Variants in ARHGAP15 observed in about 807,000 individuals in gnomAD.
ARHGAP15 encodes rho GTPase-activating protein 15.
In ARHGAP15, 51 loss-of-function variants were observed where a neutral mutation model predicts 63.7. That is an observed-to-expected ratio of 0.80 (90% CI 0.64 to 1.01). ARHGAP15 has a LOEUF of 1.01. Ranked by LOEUF, ARHGAP15 falls within the 50% of genes least tolerant of loss-of-function variation. The pLI is 0.00. For synonymous variants in ARHGAP15, 191 were observed against 193.8 expected, an observed-to-expected ratio of 0.99 and a Z score of 0.12; for missense variants, 560 against 564.6, an observed-to-expected ratio of 0.99 and a Z score of 0.08.
At chr2:143,411,874 T>C (rs948412244) in intron 6 of ARHGAP15, among the ~76,000 whole-genome samples, 1 of 152,130 alleles carries the variant, frequency 6.6e-6, no homozygotes, top group African/African-American at 2.4e-5. Flanking sequence ...CCAGAGGCAG[T>C]GATATTGAAG....
intron 1 of ARHGAP15, among the ~76,000 whole-genome samples, chr2:143,145,714 A>G (rs941586094): frequency 6.6e-6 from 1 of 151,872 alleles, no homozygotes; most frequent in African/African-American, 2.4e-5. Flanking sequence ...CATCTTTCAA[A>G]CTGAACCTTT....
intron 8 of ARHGAP15, among the ~76,000 whole-genome samples, chr2:143,470,550 C>G (rs1347480018): frequency 6.7e-6 from 1 of 149,222 alleles, no homozygotes; most frequent in Non-Finnish European, 1.5e-5. Flanking sequence ...ATATTTCATT[C>G]TGGGAAATAG....
intron 12 of ARHGAP15, among the ~76,000 whole-genome samples, chr2:143,630,938 CAA>C (rs1281055085): frequency 6.6e-6 from 1 of 151,962 alleles, no homozygotes; most frequent in Non-Finnish European, 1.5e-5. Context: ...CTGTTATTCC[CAA>C]AAGTTTCCTC....
At chr2:143,410,157 T>C (rs1460859015) in intron 6 of ARHGAP15, among the ~76,000 whole-genome samples, 1 of 152,132 alleles carries the variant, frequency 6.6e-6, no homozygotes, top group Non-Finnish European at 1.5e-5. Context: ...TAATTAAATT[T>C]TATTATACCA....
intron 12 of ARHGAP15, among the ~76,000 whole-genome samples, chr2:143,667,713 G>A (rs192163112): frequency 4.7e-4 from 71 of 152,064 alleles, no homozygotes; most frequent in African/African-American, 1.7e-3. Flanking sequence ...TACACTGATG[G>A]CAGGGCACGG....
At chr2:143,553,463 T>G (rs1695659980) in intron 10 of ARHGAP15, among the ~76,000 whole-genome samples, 1 of 152,182 alleles carries the variant, frequency 6.6e-6, no homozygotes, top group Non-Finnish European at 1.5e-5. Context: ...TACTCCCTTT[T>G]ACTTTCTGGT....
intron 6 of ARHGAP15, among the ~76,000 whole-genome samples, chr2:143,319,125 G>C (rs1181824825): frequency 6.6e-6 from 1 of 151,596 alleles, no homozygotes; most frequent in Admixed American, 6.6e-5. Flanking sequence ...TACTTGCCAG[G>C]ATATATATTT....
chr2:143,583,302 G>A (rs966666886), intron 11 of ARHGAP15, among the ~76,000 whole-genome samples: 1 of 152,110 alleles, frequency 6.6e-6, no homozygotes, highest in Non-Finnish European at 1.5e-5. Context: ...AATAAAAGCT[G>A]ACTCCATATG....
intron 12 of ARHGAP15, among the ~76,000 whole-genome samples, chr2:143,671,175 G>A (rs912687613): frequency 1.1e-4 from 17 of 152,124 alleles, no homozygotes; most frequent in East Asian, 7.7e-4. Context: ...CACAGCTTTC[G>A]GTTTTCTTTT....
At chr2:143,285,895 A>G (rs1682071993) in intron 6 of ARHGAP15, among the ~76,000 whole-genome samples, 1 of 152,218 alleles carries the variant, frequency 6.6e-6, no homozygotes, top group African/African-American at 2.4e-5. Flanking sequence ...TCAAACCATT[A>G]TATACCATTT....
chr2:143,141,514 T>C (rs993142641), intron 1 of ARHGAP15, among the ~76,000 whole-genome samples: 3 of 152,006 alleles, frequency 2.0e-5, no homozygotes, highest in Admixed American at 1.3e-4. Context: ...GATATAATTA[T>C]CTGCCAAAAT....
At chr2:143,187,898 TA>T (rs1691511153) in intron 2 of ARHGAP15, among the ~76,000 whole-genome samples, 1 of 152,212 alleles carries the variant, frequency 6.6e-6, no homozygotes, top group African/African-American at 2.4e-5. Context: ...CATTACATTG[TA>T]ATCAATATTT....
intron 11 of ARHGAP15, among the ~76,000 whole-genome samples, chr2:143,581,486 A>G (rs1696901947): frequency 6.6e-6 from 1 of 152,106 alleles, no homozygotes; most frequent in Admixed American, 6.6e-5. Flanking sequence ...TAAATTTCCC[A>G]GGGAGAGGCA....
At chr2:143,417,530 A>G (rs1316106310) in intron 6 of ARHGAP15, among the ~76,000 whole-genome samples, 1 of 152,136 alleles carries the variant, frequency 6.6e-6, no homozygotes, top group Non-Finnish European at 1.5e-5. Flanking sequence ...GTTTTCATGG[A>G]TTGCATTTAA....
intron 5 of ARHGAP15, chr2:143,237,355 T>C (rs1223379248): frequency 6.6e-6 from 1 of 152,198 alleles, no homozygotes; most frequent in African/African-American, 2.4e-5. Flanking sequence ...TTTGGCTCAA[T>C]GCATTTAGTA....
chr2:143,157,749 A>G (rs1025539226), intron 2 of ARHGAP15, among the ~76,000 whole-genome samples: 2 of 151,632 alleles, frequency 1.3e-5, no homozygotes, highest in African/African-American at 2.4e-5. Context: ...TTCTGACTAG[A>G]TACTGACAGA....
chr2:143,538,868 T>C (rs987205677), intron 10 of ARHGAP15, among the ~76,000 whole-genome samples: 4 of 152,218 alleles, frequency 2.6e-5, no homozygotes, highest in African/African-American at 9.6e-5. Flanking sequence ...CTGCCAGGCT[T>C]TGGTATCAGG....
intron 3 of ARHGAP15, among the ~76,000 whole-genome samples, chr2:143,211,651 T>C (rs199517907): frequency 5.9e-5 from 9 of 152,164 alleles, no homozygotes; most frequent in Non-Finnish European, 1.3e-4. Flanking sequence ...GAAGGTTTCA[T>C]AGGGTGATGC....
intron 13 of ARHGAP15, among the ~76,000 whole-genome samples, chr2:143,733,646 CTACCA>C (rs1392656913): frequency 6.6e-6 from 1 of 152,154 alleles, no homozygotes; most frequent in East Asian, 1.9e-4. Context: ...GTAAGACAAG[CTACCA>C]TACATTTTCA....
Sources: gnomAD v4.1 joint callset for allele counts (sites outside exome capture counted in the v4.1 genomes callset) on GRCh38, gnomAD v4.1.1 for gene constraint, MANE v1.5 for transcripts, NCBI Gene and HGNC (gene_info 2026-07-23, HGNC 2026-07-21) for gene names.